The following BICC1 variants were observed in gnomAD, a reference collection of about 807,000 sequenced individuals.
The protein encoded by BICC1 is protein bicaudal C homolog 1.
BICC1 carries 43 observed loss-of-function variants against 111.0 expected under a neutral mutation model. That is an observed-to-expected ratio of 0.39 (90% confidence interval 0.30 to 0.50). BICC1 has a LOEUF of 0.50. BICC1 is among the 20% of genes least tolerant of loss of function. BICC1 has a pLI of 0.88. For synonymous variants in BICC1, 467 were observed against 434.4 expected (o/e 1.07, Z -0.93); for missense variants, 1,091 against 1,203.2 (o/e 0.91, Z 1.38).
chr10:58,561,430 G>A (rs1843600866), intron 1 of BICC1, among the ~76,000 whole-genome samples: 1 of 151,770 alleles, frequency 6.6e-6, no homozygotes, highest in South Asian at 2.1e-4. Flanking sequence ...TTCAGTCTGT[G>A]TGTTCTTTAT....
At chr10:58,696,741 G>A (rs1668590439) in intron 2 of BICC1, among the ~76,000 whole-genome samples, 1 of 152,156 alleles carries the variant, frequency 6.6e-6, no homozygotes, top group South Asian at 2.1e-4. Flanking sequence ...AAATCATACA[G>A]CATCCAGAAT....
intron 1 of BICC1, among the ~76,000 whole-genome samples, chr10:58,525,963 C>G (rs1028315316): frequency 6.6e-6 from 1 of 150,612 alleles, no homozygotes; most frequent in Admixed American, 6.8e-5. Flanking sequence ...TAGTTATGAA[C>G]TACCTAATAA....
rs758778570 is a variant in BICC1, at chr10:58,558,688, G to GT, written c.190+45356dup. On this transcript the variant is annotated intron_variant, in intron 1 of 20. Coordinates refer to ENST00000373886, the MANE Select transcript of BICC1 (RefSeq NM_001080512.3). ...AGTTTCTTAGTTCACAGGTGCTGCT[G>GT]TAACAAAAATTCCCTAGATTGGGCA... Among the ~76,000 whole-genome samples the GT allele has an allele frequency of 2.6e-5, 4 of 152,168 alleles. No homozygotes were observed. The South Asian group carries it at 8.3e-4, about 32-fold the overall frequency.
intron 1 of BICC1, among the ~76,000 whole-genome samples, chr10:58,550,355 G>A (rs943966531): frequency 2.0e-5 from 3 of 151,984 alleles, no homozygotes; most frequent in Non-Finnish European, 4.4e-5. Context: ...TATCAGACAT[G>A]TTTTCTAAAT....
Position 58,513,103 on chromosome 10 carries a change from A to G in BICC1, c.-41A>G. ...CGAGCGGAGGCGGCAGCGCAGGCAG[A>G]GCGGCGGCGGCAGCGGGAGCCCGAG... On this transcript the variant is annotated 5_prime_UTR_variant, in exon 1 of 21. Transcript: ENST00000373886. 1 of 1,344,156 alleles carries G rather than the reference A, an allele frequency of 7.4e-7. No individual in the cohort carries two copies. The allele number at this position is 1,344,156 out of a possible 1,614,324, so 83.3% of individuals were successfully genotyped here. A position where few individuals can be genotyped will look rare whatever the true frequency, so the allele number is the denominator to read the frequency against.
intron 11 of BICC1, 68 bp downstream of exon 11, chr10:58,798,628 T>G: frequency 7.3e-7 from 1 of 1,365,446 alleles, no homozygotes; most frequent in Non-Finnish European, 9.6e-7. Context: ...AAATAAAATT[T>G]ACGAAGGGCT....
intron 3 of BICC1, among the ~76,000 whole-genome samples, chr10:58,746,919 T>A (rs1841850951): frequency 6.6e-6 from 1 of 152,172 alleles, no homozygotes; most frequent in Non-Finnish European, 1.5e-5. Flanking sequence ...TAGCCATGAT[T>A]CTGGCAACAG....
chr10:58,771,204 T>C (rs993940509), intron 3 of BICC1, among the ~76,000 whole-genome samples: 13 of 152,060 alleles, frequency 8.5e-5, no homozygotes, highest in Admixed American at 7.2e-4. Flanking sequence ...AATGTAACAG[T>C]TGGTGGCTGT....
At chr10:58,740,904 G>T (rs1364044082) in intron 3 of BICC1, among the ~76,000 whole-genome samples, 1 of 152,208 alleles carries the variant, frequency 6.6e-6, no homozygotes, top group African/African-American at 2.4e-5. Context: ...ACGTGAAAAG[G>T]CAGAGCTCTG....
At chr10:58,649,014 C>T (rs1838358808) in intron 2 of BICC1, among the ~76,000 whole-genome samples, 1 of 152,166 alleles carries the variant, frequency 6.6e-6, no homozygotes, top group African/African-American at 2.4e-5. Flanking sequence ...CTAATAACAA[C>T]AGCCACTATT....
chr10:58,759,968 G>GAAAAAA (rs56286810), intron 3 of BICC1, among the ~76,000 whole-genome samples: 10 of 132,714 alleles, frequency 7.5e-5, no homozygotes, highest in South Asian at 2.4e-4. Context: ...AAAAGAAAAA[G>GAAAAAA]AAAAAAAAAA....
intron 1 of BICC1, among the ~76,000 whole-genome samples, chr10:58,570,002 C>T (rs1236959889): frequency 1.3e-5 from 2 of 152,170 alleles, no homozygotes; most frequent in Non-Finnish European, 2.9e-5. Context: ...ATTTACACTC[C>T]CAACAACAGT....
chr10:58,650,405 TGAGA>T (rs1477823827), intron 2 of BICC1: 1 of 152,162 alleles, frequency 6.6e-6, no homozygotes, highest in African/African-American at 2.4e-5. Context: ...TGTTAATACA[TGAGA>T]AAGAGGGATT....
intron 3 of BICC1, chr10:58,716,340 A>G: frequency 7.2e-7 from 1 of 1,393,672 alleles, no homozygotes; most frequent in Non-Finnish European, 9.5e-7. Context: ...GTCTGAGGAA[A>G]TTTCAACTGT....
intron 2 of BICC1, among the ~76,000 whole-genome samples, chr10:58,651,698 A>G (rs772219993): frequency 6.6e-6 from 1 of 152,136 alleles, no homozygotes; most frequent in Non-Finnish European, 1.5e-5. Context: ...ATACATCTAG[A>G]GTGCTGTTGC....
At chr10:58,787,514 T>A (rs1843046079) in intron 5 of BICC1, among the ~76,000 whole-genome samples, 3 of 152,194 alleles carry the variant, frequency 2.0e-5, no homozygotes, top group Admixed American at 2.0e-4. Flanking sequence ...CTTAATTATG[T>A]CTCTCTCTAG....
At chr10:58,732,182 T>A (rs1589075219) in intron 3 of BICC1, among the ~76,000 whole-genome samples, 1 of 150,944 alleles carries the variant, frequency 6.6e-6, no homozygotes, top group East Asian at 2.0e-4. Flanking sequence ...TTAGAAGCCA[T>A]TGTAGGGTTA....
At chr10:58,630,585 C>T (rs111296069) in intron 2 of BICC1, among the ~76,000 whole-genome samples, 20 of 152,252 alleles carry the variant, frequency 1.3e-4, no homozygotes, top group South Asian at 4.1e-4. Context: ...TGCGCCACCA[C>T]GCCTAGCTTT....
intron 1 of BICC1, among the ~76,000 whole-genome samples, chr10:58,517,239 G>T (rs1208086045): frequency 6.6e-6 from 1 of 152,118 alleles, no homozygotes; most frequent in Non-Finnish European, 1.5e-5. Context: ...TTGACATCTG[G>T]TGGGATTTTA....
Sources: allele counts gnomAD v4.1 joint callset (sites outside exome capture counted in the v4.1 genomes callset), GRCh38; gene constraint gnomAD v4.1.1; transcripts MANE v1.5; gene names NCBI Gene and HGNC (gene_info 2026-07-23, HGNC 2026-07-21).